Variants in SLC7A9 observed in about 807,000 individuals in gnomAD.
The protein encoded by SLC7A9 is B(0,+)-type amino acid transporter 1.
Under a neutral mutation model 54.1 loss-of-function variants are expected in SLC7A9, and 38 were observed. The observed-to-expected ratio is 0.70, with a 90% CI of 0.54 to 0.92. The LOEUF is 0.92. SLC7A9 is among the 40% of genes least tolerant of loss of function. The pLI is 0.00. For missense variants in SLC7A9, 537 were observed against 636.1 expected (o/e 0.84, Z 1.68); for synonymous variants, 264 against 258.9 (o/e 1.02, Z -0.19).
At chr19:32,864,897 T>C (rs2145847661) in intron 2 of SLC7A9, 121 bp from the exon 3 acceptor site, 1 of 1,331,556 alleles carries the variant, frequency 7.5e-7, no homozygotes, top group Non-Finnish European at 1.1e-6. Context: ...TCCCAGGCGC[T>C]TCCACCCTGA....
chr19:32,866,289 C>T (rs1262913668), intron 2 of SLC7A9, among the ~76,000 whole-genome samples: 8 of 152,162 alleles, frequency 5.3e-5, no homozygotes, highest in Non-Finnish European at 1.0e-4. Flanking sequence ...CTCAGCTCTC[C>T]TCCTCATCTC....
intron 9 of SLC7A9, among the ~76,000 whole-genome samples, chr19:32,846,603 CA>C (rs1218076004): frequency 6.6e-6 from 1 of 152,244 alleles, no homozygotes; most frequent in Non-Finnish European, 1.5e-5. Context: ...AGGGCACAGA[CA>C]GACAAAAAGA....
chr19:32,844,857 CAAAAAAAAAAAAA>C (rs386388892), intron 9 of SLC7A9, among the ~76,000 whole-genome samples: 5 of 30,314 alleles, frequency 1.6e-4, no homozygotes, highest in East Asian at 2.7e-3. Context: ...GAATCCATCT[CAAAAAAAAAAAAA>C]AAAAAAAAAA....
chr19:32,848,549 C>A (rs1459127971), intron 9 of SLC7A9, among the ~76,000 whole-genome samples: 14 of 152,032 alleles, frequency 9.2e-5, no homozygotes, highest in Admixed American at 9.2e-4. Flanking sequence ...CCTTAGTGAC[C>A]TACAAAGAGA....
rs1394513127 is a variant in SLC7A9, at chr19:32,868,486, G to A, written c.49C>T (p.Gln17Ter). Residue 17 changes from glutamine (Q) to a stop codon, truncating the protein, a stop_gained, in exon 2 of 13, where the codon CAG becomes TAG. Transcript: ENST00000023064. LOFTEE classifies it high-confidence loss of function. ...RKRREDEKSI[Q>*]SQEPKTTSLQ... ...CTGGTGGTCTTAGGCTCTTGGCTCT[G>A]GATCGACTTCTCATCCTCTCTCCGC... is the stretch of plus-strand genomic sequence containing the variant. The A allele has an allele frequency of 1.7e-5, 28 of 1,613,926 alleles. No individual in the cohort carries two copies. Among genetic ancestry groups the A allele is most frequent in the Non-Finnish European group, 2.3e-5 (27 of 1,180,016 alleles).
rs202041433 is a variant in SLC7A9, at chr19:32,860,014, C to A, written c.750-50G>T. On this transcript the variant is annotated intron_variant, in intron 7 of 12. Coordinates refer to ENST00000023064, the MANE Select transcript of SLC7A9 (RefSeq NM_014270.5). ...CCCACGTTCAGACCACAGCCTCCCG[C>A]GGAAGATGGACGCCCTCCCTGAGGC... 12 of 1,613,784 alleles carry A rather than the reference C, an allele frequency of 7.4e-6. No individual in the cohort carries two copies. The African/African-American group carries it at 1.6e-4, about 22-fold the overall frequency.
At chr19:32,837,877 TGAAAGCATTTAGA>T (rs1225363284) in intron 11 of SLC7A9, among the ~76,000 whole-genome samples, 1 of 152,192 alleles carries the variant, frequency 6.6e-6, no homozygotes, top group Non-Finnish European at 1.5e-5. Context: ...CAGCTGGAAA[TGAAAGCATTTAGA>T]GATGCATGGA....
intron 9 of SLC7A9, among the ~76,000 whole-genome samples, chr19:32,852,866 C>T (rs956296712): frequency 6.7e-6 from 1 of 149,364 alleles, no homozygotes; most frequent in African/African-American, 2.5e-5. Context: ...GACGTGGGAG[C>T]GTTAGTCCTG....
At chr19:32,839,147 C>T (rs1451551692) in intron 11 of SLC7A9, among the ~76,000 whole-genome samples, 1 of 152,144 alleles carries the variant, frequency 6.6e-6, no homozygotes, top group Non-Finnish European at 1.5e-5. Flanking sequence ...TAGTGGCATA[C>T]ACTTCTGTCC....
At position 32,862,662 on chromosome 19, in the gene SLC7A9, T is replaced by TATA. The variant is rs1373285286; in HGVS notation, c.479-77_479-76insTAT. The TATA allele has an allele frequency of 2.3e-6, 3 of 1,301,656 alleles. No homozygotes were observed. In the African/African-American group the frequency reaches 4.8e-5, roughly 21 times the overall value. The allele number at this position is 1,301,656 out of a possible 1,614,324, so 80.6% of individuals were successfully genotyped here. On this transcript the variant is annotated intron_variant, in intron 4 of 12. Coordinates refer to ENST00000023064, the MANE Select transcript of SLC7A9 (RefSeq NM_014270.5). ...GAGAGAGTCTCCTTTCTTTTATATA[T>TATA]TTTTTATTTTTTTTTTTTTTTGAGA...
At chr19:32,856,195 G>GTTTTT (rs199589539) in intron 9 of SLC7A9, among the ~76,000 whole-genome samples, 1 of 142,564 alleles carries the variant, frequency 7.0e-6, no homozygotes, top group African/African-American at 2.6e-5. Flanking sequence ...ATAGCTAGTG[G>GTTTTT]TTTTTTTTTT....
intron 2 of SLC7A9, among the ~76,000 whole-genome samples, 181 bp downstream of exon 2, chr19:32,868,267 C>A (rs1433200541): frequency 6.6e-6 from 1 of 151,848 alleles, no homozygotes; most frequent in Non-Finnish European, 1.5e-5. Context: ...GCAGAATTCC[C>A]TGGCGAGAGG....
intron 9 of SLC7A9, among the ~76,000 whole-genome samples, chr19:32,851,268 C>A (rs1350835464): frequency 4.0e-5 from 6 of 151,686 alleles, no homozygotes; most frequent in Admixed American, 3.9e-4. Flanking sequence ...TTTTCGCAAC[C>A]TACTCATCTG....
chr19:32,847,274 G>T (rs572731996), intron 9 of SLC7A9, among the ~76,000 whole-genome samples: 12 of 152,144 alleles, frequency 7.9e-5, no homozygotes, highest in Non-Finnish European at 1.5e-4. Flanking sequence ...TGGCAAAGAA[G>T]TTAGAAACTT....
intron 11 of SLC7A9, among the ~76,000 whole-genome samples, chr19:32,840,283 C>T (rs928747980): frequency 6.6e-6 from 1 of 152,124 alleles, no homozygotes; most frequent in Non-Finnish European, 1.5e-5. Flanking sequence ...AGCATTCCTC[C>T]CACCTCAGCC....
At chr19:32,832,798 A>G in intron 12 of SLC7A9, 1 of 303,298 alleles carries the variant, frequency 3.3e-6, no homozygotes. Context: ...GGTCCCAGCT[A>G]CTTGGGAGGC....
At chr19:32,855,352 T>C (rs530759370) in intron 9 of SLC7A9, among the ~76,000 whole-genome samples, 2 of 152,294 alleles carry the variant, frequency 1.3e-5, no homozygotes, top group East Asian at 1.9e-4. Flanking sequence ...ATAGCCCCCC[T>C]GCACAAATAA....
chr19:32,848,173 T>C lies in SLC7A9; in HGVS notation c.978-4222A>G, dbSNP rs1369137938. 2.0e-5 allele frequency among the ~76,000 whole-genome samples: 3 copies of C among 152,206 alleles called. No homozygotes were observed. In the South Asian group the frequency reaches 6.2e-4, roughly 31 times the overall value. On this transcript the variant is annotated intron_variant, in intron 9 of 12. Coordinates refer to ENST00000023064, the MANE Select transcript of SLC7A9 (RefSeq NM_014270.5). ...CTAACATCATAATGACAGGACCAAATTCACACATAACAATATTAACTTTAA... is the reference window on the plus strand; with the variant it reads ...CTAACATCATAATGACAGGACCAAACTCACACATAACAATATTAACTTTAA...
chr19:32,834,268 A>T (rs1320131419), intron 11 of SLC7A9, among the ~76,000 whole-genome samples: 1 of 152,198 alleles, frequency 6.6e-6, no homozygotes, highest in East Asian at 1.9e-4. Context: ...CTCCAGAGCC[A>T]GACGTGGGTT....
Sources: allele counts gnomAD v4.1 joint callset (sites outside exome capture counted in the v4.1 genomes callset), GRCh38; gene constraint gnomAD v4.1.1; transcripts MANE v1.5; gene names NCBI Gene and HGNC (gene_info 2026-07-23, HGNC 2026-07-21).